The following GNG7 variants were observed in gnomAD, a reference collection of about 807,000 sequenced individuals.
GNG7 encodes the protein G protein subunit gamma 7, also known as guanine nucleotide-binding protein G(I)/G(S)/G(O) subunit gamma-7.
In GNG7, 1 loss-of-function variant was observed where a neutral mutation model predicts 4.0. The observed-to-expected ratio is 0.25, with a 90% CI of 0.09 to 1.18. The LOEUF (loss-of-function observed/expected upper bound fraction) is 1.18. GNG7 is among the 50% of genes most tolerant of loss of function. GNG7 has a pLI of 0.50. For missense variants in GNG7, 86 were observed against 91.9 expected, an observed-to-expected ratio of 0.94 and a Z score of 0.26; for synonymous variants, 34 against 36.9, an observed-to-expected ratio of 0.92 and a Z score of 0.29.
chr19:2,522,910 G>A (rs559570916), intron 3 of GNG7, among the ~76,000 whole-genome samples: 1 of 151,354 alleles, frequency 6.6e-6, no homozygotes, highest in African/African-American at 2.4e-5. Flanking sequence ...TGTTGCCCAG[G>A]CTGGAGTGCA....
At chr19:2,642,817 C>G (rs1268837867) in intron 2 of GNG7, 2 of 456,796 alleles carry the variant, frequency 4.4e-6, no homozygotes, top group Admixed American at 4.7e-5. Context: ...TGAAGAAGCC[C>G]AACACCAAAC....
At chr19:2,556,559 C>T (rs1979551079) in intron 2 of GNG7, among the ~76,000 whole-genome samples, 1 of 152,132 alleles carries the variant, frequency 6.6e-6, no homozygotes, top group Non-Finnish European at 1.5e-5. Context: ...GGCTGGAGTC[C>T]GGGCCACCCA....
chr19:2,559,422 G>A (rs541542459), intron 2 of GNG7, among the ~76,000 whole-genome samples: 7 of 149,422 alleles, frequency 4.7e-5, no homozygotes, highest in African/African-American at 1.7e-4. Context: ...TGCAATCTCA[G>A]CTCACTGCAG....
In GNG7 at chr19:2,604,605, A is replaced by G. The variant is rs535073160; in HGVS notation, c.-78+41619T>C. On this transcript the variant is annotated intron_variant, in intron 2 of 4. Transcript: ENST00000382159. ...AAAGAGAAAGTTTTCTGCCCTAGAC[A>G]CTCCAGCCTGGGCAACGGAGCAAGA... 3.7e-4 allele frequency among the ~76,000 whole-genome samples: 48 copies of G among 128,538 alleles called. 1 individual carries two copies. In the South Asian group the frequency reaches 0.012, roughly 32 times the overall value. The allele number at this position is 128,538 out of a possible 152,430, so 84.3% of individuals were successfully genotyped here. A position where few individuals can be genotyped will look rare whatever the true frequency, so the allele number is the denominator to read the frequency against.
chr19:2,666,692 C>T (rs147253468), intron 1 of GNG7, among the ~76,000 whole-genome samples: 154 of 152,314 alleles, frequency 1.0e-3, no homozygotes, highest in African/African-American at 3.5e-3. Flanking sequence ...TTCAGCCTTA[C>T]GGAACATATG....
intron 3 of GNG7, among the ~76,000 whole-genome samples, chr19:2,533,142 T>C (rs1347701876): frequency 6.6e-6 from 1 of 151,518 alleles, no homozygotes; most frequent in African/African-American, 2.4e-5. Flanking sequence ...TCAAGCAACG[T>C]GTATGATTCT....
At chr19:2,650,965 G>A (rs900621403) in intron 1 of GNG7, among the ~76,000 whole-genome samples, 4 of 152,184 alleles carry the variant, frequency 2.6e-5, no homozygotes, top group Non-Finnish European at 2.9e-5. Flanking sequence ...CCAATAGCCC[G>A]GCTTTAAACC....
chr19:2,606,186 C>T (rs1336805977), intron 2 of GNG7, among the ~76,000 whole-genome samples: 1 of 151,980 alleles, frequency 6.6e-6, no homozygotes. Flanking sequence ...TGAGACCAGC[C>T]TGGGCAACAT....
At chr19:2,583,139 T>C (rs987794136) in intron 2 of GNG7, among the ~76,000 whole-genome samples, 1 of 151,990 alleles carries the variant, frequency 6.6e-6, no homozygotes, top group Non-Finnish European at 1.5e-5. Context: ...AAATAGATAA[T>C]ATCCAGGGAT....
At chr19:2,680,736 T>C (rs1424002276) in intron 1 of GNG7, among the ~76,000 whole-genome samples, 1 of 151,862 alleles carries the variant, frequency 6.6e-6, no homozygotes, top group Non-Finnish European at 1.5e-5. Flanking sequence ...TCACCACGCC[T>C]GGCTAATTTT....
intron 2 of GNG7, among the ~76,000 whole-genome samples, chr19:2,564,888 TA>T (rs111381080): frequency 0.58 from 77,186 of 132,352 alleles, 22,267 homozygotes; most frequent in African/African-American, 0.8. Context: ...ATTGGTCATT[TA>T]AAAAAAAAAA....
chr19:2,575,629 GCA>G (rs1221547872), intron 2 of GNG7, among the ~76,000 whole-genome samples: 114 of 113,092 alleles, frequency 1.0e-3, no homozygotes, highest in Middle Eastern at 7.6e-3. Flanking sequence ...AGACATGCAG[GCA>G]CACACAGGCA....
intron 2 of GNG7, chr19:2,642,462 C>T (rs192865807): frequency 4.8e-5 from 16 of 330,568 alleles, no homozygotes; most frequent in African/African-American, 3.0e-4. Context: ...ACCTCCGGGG[C>T]TCAAGCGATC....
At chr19:2,598,550 G>T (rs1214875425) in intron 2 of GNG7, among the ~76,000 whole-genome samples, 1 of 151,780 alleles carries the variant, frequency 6.6e-6, no homozygotes, top group South Asian at 2.1e-4. Context: ...CCAGCTACTC[G>T]GGAGGCTGAG....
chr19:2,655,873 T>TATATATATATTTATATATATATATATAA (rs1398098319), intron 1 of GNG7, among the ~76,000 whole-genome samples: 1 of 96,378 alleles, frequency 1.0e-5, no homozygotes, highest in African/African-American at 4.1e-5. Flanking sequence ...CATATATATA[T>TATATATATATTTATATATATATATATAA]AAATTAGCCA....
chr19:2,549,423 T>C (rs1006655695), intron 3 of GNG7, among the ~76,000 whole-genome samples: 10 of 151,862 alleles, frequency 6.6e-5, no homozygotes, highest in African/African-American at 2.4e-4. Flanking sequence ...CCTGAGTAGC[T>C]GAGATTACAG....
At chr19:2,691,428 C>T (rs1457487335) in intron 1 of GNG7, among the ~76,000 whole-genome samples, 1 of 152,014 alleles carries the variant, frequency 6.6e-6, no homozygotes, top group African/African-American at 2.4e-5. Flanking sequence ...CTTATAGTCC[C>T]AGCTACTCAG....
chr19:2,589,130 C>T (rs999523265), intron 2 of GNG7, among the ~76,000 whole-genome samples: 6 of 151,778 alleles, frequency 4.0e-5, no homozygotes, highest in African/African-American at 1.5e-4. Flanking sequence ...GTTTCTCCAC[C>T]TTGGTCAGGC....
intron 1 of GNG7, among the ~76,000 whole-genome samples, chr19:2,676,559 G>A (rs1195585580): frequency 4.6e-5 from 7 of 152,144 alleles, no homozygotes; most frequent in South Asian, 2.1e-4. Context: ...CCACAGGCGC[G>A]CACCATCATG....
Sources: gnomAD v4.1 joint callset for allele counts (sites outside exome capture counted in the v4.1 genomes callset) on GRCh38, gnomAD v4.1.1 for gene constraint, MANE v1.5 for transcripts, NCBI Gene and HGNC (gene_info 2026-07-23, HGNC 2026-07-21) for gene names.